Variants in ACYP2 observed in about 807,000 individuals in gnomAD.
ACYP2 encodes the protein acylphosphatase-2.
A neutral mutation model predicts 11.2 loss-of-function variants in ACYP2; 12 were observed. The ratio of observed to expected loss-of-function variants is 1.08; its 90% CI spans 0.69 to 1.74. The LOEUF is 1.74. Among genes scored for constraint, ACYP2 ranks in the 40% most tolerant of loss-of-function variants. The pLI is 0.00. For synonymous variants in ACYP2, 43 were observed against 32.2 expected (o/e 1.33, Z -1.13); for missense variants, 134 against 101.9 (o/e 1.31, Z -1.35).
intron 4 of ACYP2, among the ~76,000 whole-genome samples, chr2:54,130,144 T>C (rs1404629106): frequency 3.3e-5 from 5 of 152,162 alleles, no homozygotes; most frequent in South Asian, 2.1e-4. Context: ...GTAAACAATG[T>C]ATGTGCAAGA....
At chr2:54,129,401 G>T (rs1680758086) in intron 4 of ACYP2, among the ~76,000 whole-genome samples, 1 of 151,968 alleles carries the variant, frequency 6.6e-6, no homozygotes, top group Admixed American at 6.6e-5. Flanking sequence ...CCAAAATGCT[G>T]GGCTTACAGG....
intron 4 of ACYP2, among the ~76,000 whole-genome samples, chr2:54,131,738 T>C (rs925546740): frequency 3.9e-5 from 6 of 152,222 alleles, no homozygotes; most frequent in Non-Finnish European, 8.8e-5. Context: ...TTTGATGCAA[T>C]TCTTACCTGA....
intron 2 of ACYP2, among the ~76,000 whole-genome samples, chr2:54,017,393 T>G (rs945905628): frequency 6.6e-6 from 1 of 151,656 alleles, no homozygotes; most frequent in African/African-American, 2.4e-5. Flanking sequence ...TAGGTGGGAT[T>G]ATAGGTGTGA....
chr2:54,137,411 T>A (rs1167558858), intron 5 of ACYP2, among the ~76,000 whole-genome samples: 1 of 152,170 alleles, frequency 6.6e-6, no homozygotes, highest in Non-Finnish European at 1.5e-5. Flanking sequence ...AAGTTATTTT[T>A]TTCTACTCCT....
At chr2:54,138,555 AT>A in intron 5 of ACYP2, 83 bp from the exon 3 acceptor site, 2 of 1,065,970 alleles carry the variant, frequency 1.9e-6, no homozygotes, top group Non-Finnish European at 2.7e-6. Flanking sequence ...TTAGGTTAGC[AT>A]TTTTTGGATA....
Position 54,210,010 on chromosome 2 carries a change from G to A in ACYP2, c.404+71262G>A, listed in dbSNP as rs150306407. ...ACAAAAATTAGCTGGGCATGGTGGC[G>A]GGCACTTGTAATCCCAGATATTCCG... is the stretch of plus-strand genomic sequence containing the variant. On this transcript the variant is annotated intron_variant, in intron 6 of 6. Transcript: ENST00000607452. Among the ~76,000 whole-genome samples, 1,172 of 151,774 alleles carry A rather than the reference G, an allele frequency of 7.7e-3. 7 individuals carry two copies. The highest frequency in any genetic ancestry group is 0.014 in the Middle Eastern group (4 of 290).
chr2:54,163,157 G>C (rs994447424), intron 6 of ACYP2, among the ~76,000 whole-genome samples: 1 of 152,174 alleles, frequency 6.6e-6, no homozygotes. Flanking sequence ...GATTTTGCTT[G>C]TCCCCGGATC....
At chr2:54,100,990 A>G (rs965453824) in intron 4 of ACYP2, among the ~76,000 whole-genome samples, 1 of 152,208 alleles carries the variant, frequency 6.6e-6, no homozygotes, top group South Asian at 2.1e-4. Flanking sequence ...ATAATCCACC[A>G]AAGAGGGTGG....
At chr2:54,230,420 G>C (rs959006195) in intron 6 of ACYP2, among the ~76,000 whole-genome samples, 1 of 152,088 alleles carries the variant, frequency 6.6e-6, no homozygotes, top group Admixed American at 6.6e-5. Context: ...CCAATGGCGT[G>C]ATCTCGACTC....
chr2:54,056,353 A>G (rs1363735067), intron 3 of ACYP2, among the ~76,000 whole-genome samples: 1 of 152,218 alleles, frequency 6.6e-6, no homozygotes, highest in Non-Finnish European at 1.5e-5. Flanking sequence ...AAATAAAATC[A>G]TATGTTCTTT....
intron 6 of ACYP2, among the ~76,000 whole-genome samples, chr2:54,249,586 T>G (rs1004614034): frequency 1.3e-5 from 2 of 152,106 alleles, no homozygotes; most frequent in African/African-American, 4.8e-5. Context: ...TGTGGAAAAC[T>G]TATATTTAAG....
chr2:54,016,864 T>G (rs1673715281), intron 2 of ACYP2, among the ~76,000 whole-genome samples: 1 of 151,806 alleles, frequency 6.6e-6, no homozygotes, highest in South Asian at 2.1e-4. Context: ...TAGCTGGGAC[T>G]ACAGGCGCCC....
At chr2:54,256,808 TTTTG>T (rs1314510897) in intron 6 of ACYP2, among the ~76,000 whole-genome samples, 17 of 144,568 alleles carry the variant, frequency 1.2e-4, no homozygotes, top group Admixed American at 4.1e-4. Context: ...TGCCCGGTTT[TTTTG>T]TTTGTTTGTT....
chr2:54,059,263 G>A (rs1225324334), intron 4 of ACYP2, among the ~76,000 whole-genome samples: 1 of 150,394 alleles, frequency 6.6e-6, no homozygotes, highest in South Asian at 2.1e-4. Context: ...TTGTTGCCCG[G>A]GCTGGAGTGC....
chr2:54,242,830 C>T (rs1431559876), intron 6 of ACYP2, among the ~76,000 whole-genome samples: 4 of 152,220 alleles, frequency 2.6e-5, no homozygotes, highest in Non-Finnish European at 5.9e-5. Flanking sequence ...CATGTAAGCA[C>T]AGTCTATGAT....
chr2:54,109,681 C>G (rs1039511098), intron 4 of ACYP2, among the ~76,000 whole-genome samples: 2 of 151,986 alleles, frequency 1.3e-5, no homozygotes, highest in Admixed American at 6.6e-5. Flanking sequence ...TAATAGGATA[C>G]TAAAATAAAC....
intron 6 of ACYP2, among the ~76,000 whole-genome samples, chr2:54,275,273 T>C (rs1688499487): frequency 6.6e-6 from 1 of 152,224 alleles, no homozygotes; most frequent in Admixed American, 6.5e-5. Flanking sequence ...CAGACTAATA[T>C]GAACCTAAAT....
In ACYP2 at chr2:53,995,997, G is replaced by T. The variant is rs1672555692; in HGVS notation, c.62+22187G>T. On this transcript the variant is annotated intron_variant, in intron 2 of 6. Transcript: ENST00000607452. ...AAATTACAAAAAATTAGCTGGGCTT[G>T]GTGGTGGATGTCTGTAATCCCAGCT... Among the ~76,000 whole-genome samples the T allele has an allele frequency of 2.0e-5, 3 of 152,120 alleles. No homozygotes were observed. In the South Asian group the frequency reaches 6.2e-4, roughly 32 times the overall value.
intron 6 of ACYP2, among the ~76,000 whole-genome samples, chr2:54,185,208 G>T (rs1219304961): frequency 6.6e-6 from 1 of 152,094 alleles, no homozygotes; most frequent in Non-Finnish European, 1.5e-5. Flanking sequence ...TAAGAGAATG[G>T]GCAGGTGACA....
Sources: allele counts gnomAD v4.1 joint callset (sites outside exome capture counted in the v4.1 genomes callset), GRCh38; gene constraint gnomAD v4.1.1; transcripts MANE v1.5; gene names NCBI Gene and HGNC (gene_info 2026-07-23, HGNC 2026-07-21).